The following TIAL1 variants were observed in gnomAD, a reference collection of about 807,000 sequenced individuals.
The protein encoded by TIAL1 is nucleolysin TIAR.
Under a neutral mutation model 59.7 loss-of-function variants are expected in TIAL1, and 7 were observed. That is an observed-to-expected ratio of 0.12 (90% CI 0.07 to 0.22). The LOEUF is 0.22. Ranked by LOEUF, TIAL1 falls within the 10% of genes least tolerant of loss-of-function variation. TIAL1 has a pLI of 1.00. For missense variants in TIAL1, 225 were observed against 462.5 expected (o/e 0.49, Z 4.71); for synonymous variants, 149 against 146.3 (o/e 1.02, Z -0.13).
chr10:119,580,153 C>T (rs1357142385), intron 5 of TIAL1, 143 bp from the exon 6 acceptor site: 1 of 576,702 alleles, frequency 1.7e-6, no homozygotes, highest in Non-Finnish European at 2.8e-6. Flanking sequence ...TTCCTGAACT[C>T]TCCCTAATGC....
In TIAL1 at chr10:119,592,060, G is replaced by A. The variant is rs192883393; in HGVS notation, c.33-3812C>T. On this transcript the variant is annotated intron_variant, in intron 1 of 11. Coordinates refer to ENST00000436547, the MANE Select transcript of TIAL1 (RefSeq NM_003252.4). ...AGCTTCTACACTTCACTTTCTTTCT[G>A]CTCTGGTTATGAAATAGTCAAGCTA... 2.0e-4 allele frequency: 31 copies of A among 152,124 alleles called. No individual in the cohort carries two copies. The East Asian group carries it at 6.0e-3, about 29-fold the overall frequency. The allele number at this position is 152,124 out of a possible 1,614,324, so 9.4% of individuals were successfully genotyped here.
chr10:119,588,004 G>A (rs1845656818), intron 2 of TIAL1, 148 bp downstream of exon 2: 4 of 452,292 alleles, frequency 8.8e-6, no homozygotes, highest in Non-Finnish European at 1.1e-5. Context: ...TCCATTCTAA[G>A]CCTAGTTTGT....
At chr10:119,580,945 G>A in intron 5 of TIAL1, 1 of 476,418 alleles carries the variant, frequency 2.1e-6, no homozygotes, top group East Asian at 1.3e-4. Context: ...ACAGCAACCT[G>A]TATTATTTTT....
At chr10:119,589,230 G>A (rs1312474386) in intron 1 of TIAL1, among the ~76,000 whole-genome samples, 2 of 152,014 alleles carry the variant, frequency 1.3e-5, no homozygotes, top group Non-Finnish European at 2.9e-5. Flanking sequence ...TTTTGAGATG[G>A]AGTCTCACTC....
intron 2 of TIAL1, among the ~76,000 whole-genome samples, chr10:119,585,431 CAG>C (rs1483319411): frequency 2.0e-5 from 3 of 147,872 alleles, no homozygotes; most frequent in African/African-American, 7.5e-5. Flanking sequence ...GCCTGGAGGA[CAG>C]AGTCAGACCC....
chr10:119,593,669 A>T (rs1408384160), intron 1 of TIAL1, among the ~76,000 whole-genome samples: 1 of 152,192 alleles, frequency 6.6e-6, no homozygotes, highest in Non-Finnish European at 1.5e-5. Context: ...CATAAACAAA[A>T]AACCCTACTA....
intron 2 of TIAL1, among the ~76,000 whole-genome samples, chr10:119,587,789 T>C (rs908080252): frequency 6.6e-6 from 1 of 152,206 alleles, no homozygotes; most frequent in South Asian, 2.1e-4. Context: ...ACACACATAA[T>C]AACTTCGTGT....
rs1347444787 is a variant in TIAL1 at position 119,575,124 on chromosome 10, GA to G, written c.*540del. The G allele has an allele frequency of 6.5e-6, 1 of 152,752 alleles. No homozygotes were observed. Among genetic ancestry groups the G allele is most frequent in the African/African-American group, 2.4e-5 (1 of 41,426 alleles). The allele number at this position is 152,752 out of a possible 1,614,324, so 9.5% of individuals were successfully genotyped here. On this transcript the variant is annotated 3_prime_UTR_variant, in exon 12 of 12. Coordinates refer to ENST00000436547, the MANE Select transcript of TIAL1 (RefSeq NM_003252.4). Reference sequence around the variant, plus strand: ...TGGCTTCAGTTTCTTTAGGCATAGAGAAAGAAAATATTTCCTCCAAAGCGAC... The same window carrying G: ...TGGCTTCAGTTTCTTTAGGCATAGAGAAGAAAATATTTCCTCCAAAGCGAC...
At chr10:119,576,587 A>G (rs1216527120) in intron 11 of TIAL1, 24 bp downstream of exon 11, 6 of 1,610,568 alleles carry the variant, frequency 3.7e-6, no homozygotes, top group Admixed American at 3.4e-5. Flanking sequence ...ACGTTTCTAT[A>G]CTGGAAAAAC....
intron 6 of TIAL1, among the ~76,000 whole-genome samples, chr10:119,579,655 G>T (rs1284536829): frequency 6.6e-6 from 1 of 152,102 alleles, no homozygotes; most frequent in African/African-American, 2.4e-5. Context: ...ATCTGTCCTA[G>T]ACTTGGGCTT....
rs1328136869 is a variant in TIAL1, at chr10:119,574,106, T to C, written c.*1559A>G. On this transcript the variant is annotated 3_prime_UTR_variant, in exon 12 of 12. Transcript: ENST00000436547. ...CATTTTGAATACATTGCCAAAACAT[T>C]TGCACTCCCTAGCTCTGACAATTCA... The C allele has an allele frequency of 6.6e-6, 1 of 152,650 alleles. No homozygotes were observed. 9.5% of individuals were successfully genotyped at this position (152,650 alleles called of 1,614,324 possible). A position where few individuals can be genotyped will look rare whatever the true frequency, so the allele number is the denominator to read the frequency against.
chr10:119,575,536 C>G lies in TIAL1; in HGVS notation c.*129G>C. On this transcript the variant is annotated 3_prime_UTR_variant, in exon 12 of 12. Coordinates refer to ENST00000436547, the MANE Select transcript of TIAL1 (RefSeq NM_003252.4). ...TGTCCTTCACCAAAGCAAATCTGTG[C>G]TAAAGGTTCCAAACATTTCAATTTT... 7.7e-7 allele frequency: 1 copy of G among 1,306,456 alleles called. No homozygotes were observed. The highest frequency in any genetic ancestry group is 1.1e-6 in the Non-Finnish European group (1 of 934,810). The allele number at this position is 1,306,456 out of a possible 1,614,324, so 80.9% of individuals were successfully genotyped here.
intron 9 of TIAL1, 84 bp downstream of exon 9, chr10:119,577,367 A>G (rs1845053840): frequency 1.2e-5 from 17 of 1,460,310 alleles, no homozygotes; most frequent in Non-Finnish European, 1.6e-5. Flanking sequence ...CACTAAAATA[A>G]CAAACACTGA....
At chr10:119,592,425 G>A (rs767724982) in intron 1 of TIAL1, 1 of 152,112 alleles carries the variant, frequency 6.6e-6, no homozygotes. Context: ...TCCTGTGTCC[G>A]ACTGGGCAGA....
At chr10:119,578,954 A>G in intron 6 of TIAL1, 120 bp from the exon 7 acceptor site, 1 of 742,632 alleles carries the variant, frequency 1.3e-6, no homozygotes, top group South Asian at 1.7e-5. Flanking sequence ...TTTACTAAAT[A>G]TCCTAAACAA....
At chr10:119,590,724 A>G (rs929939031) in intron 1 of TIAL1, among the ~76,000 whole-genome samples, 2 of 150,416 alleles carry the variant, frequency 1.3e-5, no homozygotes, top group African/African-American at 2.5e-5. Context: ...AAATAAATAA[A>G]AAAGAAAGAG....
rs1385608548 is a variant in TIAL1 at position 119,582,730 on chromosome 10, C to T, written c.130-173G>A. 1.6e-5 allele frequency: 15 copies of T among 924,434 alleles called. No homozygotes were observed. The East Asian group carries it at 1.7e-4, about 11-fold the overall frequency. 57.3% of individuals were successfully genotyped at this position (924,434 alleles called of 1,614,324 possible). A position where few individuals can be genotyped will look rare whatever the true frequency, so the allele number is the denominator to read the frequency against. ...ATTTAAAGCTAAACCTGACTTTGCA[C>T]CTCAGAATACTGCTGAACTCAAACG... On this transcript the variant is annotated intron_variant, in intron 2 of 11. Transcript: ENST00000436547. This position sits in a 1 kb window ranked among gnomAD's most constrained non-coding sequence, Gnocchi z 5.1.
At chr10:119,590,800 G>GAAAA (rs1554867665) in intron 1 of TIAL1, among the ~76,000 whole-genome samples, 1 of 141,306 alleles carries the variant, frequency 7.1e-6, no homozygotes, top group Non-Finnish European at 1.5e-5. Flanking sequence ...AAGAAAGAAA[G>GAAAA]AAAGAAAGAA....
At chr10:119,578,870 A>C in intron 6 of TIAL1, 36 bp from the exon 7 acceptor site, 1 of 1,519,296 alleles carries the variant, frequency 6.6e-7, no homozygotes, top group Non-Finnish European at 9.1e-7. Context: ...CACAAAGAAA[A>C]GAGTGATAAA....
Sources: gnomAD v4.1 joint callset for allele counts (sites outside exome capture counted in the v4.1 genomes callset) on GRCh38, gnomAD v4.1.1 for gene constraint, Gnocchi (gnomAD v3.1) non-coding constraint, MANE v1.5 for transcripts, NCBI Gene and HGNC (gene_info 2026-07-23, HGNC 2026-07-21) for gene names.